GRIK1: variants seen among roughly 807,000 people sequenced by gnomAD.
The protein encoded by GRIK1 is glutamate receptor ionotropic, kainate 1.
Under a neutral mutation model 105.7 loss-of-function variants are expected in GRIK1, and 69 were observed. The ratio of observed to expected loss-of-function variants is 0.65; its 90% CI spans 0.54 to 0.80. The LOEUF (loss-of-function observed/expected upper bound fraction) is 0.80. Ranked by LOEUF, GRIK1 falls within the 30% of genes least tolerant of loss-of-function variation. The pLI is 0.00. For missense variants in GRIK1, 1,109 were observed against 1,167.3 expected, an observed-to-expected ratio of 0.95 and a Z score of 0.73; for synonymous variants, 438 against 431.3, an observed-to-expected ratio of 1.02 and a Z score of -0.19.
chr21:29,654,412 T>TA, intron 5 of GRIK1, among the ~76,000 whole-genome samples: 2 of 152,324 alleles, frequency 1.3e-5, no homozygotes, highest in South Asian at 4.1e-4. Flanking sequence ...CCCAGCTATC[T>TA]ACTGGACACA....
chr21:29,566,391 C>T (rs947012673), intron 14 of GRIK1, among the ~76,000 whole-genome samples: 9 of 152,034 alleles, frequency 5.9e-5, no homozygotes, highest in Admixed American at 3.9e-4. Context: ...AGGATTTTTT[C>T]TTTTTAATCC....
intron 1 of GRIK1, among the ~76,000 whole-genome samples, chr21:29,853,782 T>A (rs2068378368): frequency 6.6e-6 from 1 of 152,194 alleles, no homozygotes; most frequent in Non-Finnish European, 1.5e-5. Context: ...AAACCCCTGC[T>A]TTCCTGAAGT....
intron 1 of GRIK1, among the ~76,000 whole-genome samples, chr21:29,799,470 A>ACTCCAGAG (rs1351352941): frequency 6.6e-6 from 1 of 151,822 alleles, no homozygotes; most frequent in Non-Finnish European, 1.5e-5. Context: ...GCTGTATCTC[A>ACTCCAGAG]CTCCAGAGCC....
chr21:29,924,334 C>CAAAA (rs1226055845), intron 1 of GRIK1, among the ~76,000 whole-genome samples: 1 of 79,914 alleles, frequency 1.3e-5, no homozygotes. Flanking sequence ...GAGACTGGCT[C>CAAAA]AAAAAAAAAA....
rs1051538441 is a variant in GRIK1, at chr21:29,844,291, G to T, written c.118+95092C>A. ...CTGCAGTTCTTAGACTGTTCAATCA[G>T]TGCTACCAAATATCTGACGTCAGCT... On this transcript the variant is annotated intron_variant, in intron 1 of 17. Transcript: ENST00000327783. Among the ~76,000 whole-genome samples, 11 of 152,094 alleles carry T rather than the reference G, an allele frequency of 7.2e-5. No individual in the cohort carries two copies. In the South Asian group the frequency reaches 2.3e-3, roughly 32 times the overall value.
At chr21:29,861,658 T>C (rs1191105599) in intron 1 of GRIK1, 2 of 456,774 alleles carry the variant, frequency 4.4e-6, no homozygotes, top group African/African-American at 2.0e-5. Flanking sequence ...TTGCTGAGAA[T>C]CTTTCTAATG....
intron 1 of GRIK1, among the ~76,000 whole-genome samples, chr21:29,805,496 T>G (rs1198307644): frequency 6.6e-6 from 1 of 152,156 alleles, no homozygotes; most frequent in Non-Finnish European, 1.5e-5. Flanking sequence ...TGCAGTGTAA[T>G]TTACCTGCCT....
chr21:29,769,402 C>A (rs538943690), intron 1 of GRIK1, among the ~76,000 whole-genome samples: 2 of 152,166 alleles, frequency 1.3e-5, no homozygotes, highest in East Asian at 3.9e-4. Context: ...CATGAGAAAC[C>A]GGTTTCCTGG....
chr21:29,767,753 A>C lies in GRIK1; in HGVS notation c.119-73690T>G, dbSNP rs1158656818. Reference sequence around the variant, plus strand: ...ACTTGCCTTTGAGTCAGAAGTCCCTACTCCTCTTCTCTTTCATTTTGGTTC... The same window carrying C: ...ACTTGCCTTTGAGTCAGAAGTCCCTCCTCCTCTTCTCTTTCATTTTGGTTC... On this transcript the variant is annotated intron_variant, in intron 1 of 17. Transcript: ENST00000327783. Among the ~76,000 whole-genome samples, 4 of 151,138 alleles carry C rather than the reference A, an allele frequency of 2.6e-5. No individual in the cohort carries two copies. The East Asian group carries it at 7.8e-4, about 29-fold the overall frequency.
intron 1 of GRIK1, among the ~76,000 whole-genome samples, chr21:29,814,152 T>A (rs1164214794): frequency 6.6e-6 from 1 of 150,462 alleles, no homozygotes; most frequent in Middle Eastern, 3.5e-3. Flanking sequence ...CATTTCACCA[T>A]GTTGGCCAGG....
intron 7 of GRIK1, among the ~76,000 whole-genome samples, chr21:29,626,855 T>G (rs1388044811): frequency 6.6e-6 from 1 of 152,216 alleles, no homozygotes; most frequent in African/African-American, 2.4e-5. Flanking sequence ...TTGCCCTGGA[T>G]GCCTGAAGAA....
chr21:29,808,489 A>T (rs1485332516), intron 1 of GRIK1, among the ~76,000 whole-genome samples: 1 of 152,146 alleles, frequency 6.6e-6, no homozygotes, highest in East Asian at 1.9e-4. Flanking sequence ...TGCCAATCTG[A>T]TATGCTATAT....
At chr21:29,876,490 A>G (rs957326489) in intron 1 of GRIK1, among the ~76,000 whole-genome samples, 1 of 151,972 alleles carries the variant, frequency 6.6e-6, no homozygotes, top group African/African-American at 2.4e-5. Flanking sequence ...ACTGGTGTAC[A>G]TTTTTCATCA....
At chr21:29,861,153 CTA>C (rs2068623737) in intron 1 of GRIK1, among the ~76,000 whole-genome samples, 1 of 151,886 alleles carries the variant, frequency 6.6e-6, no homozygotes, top group African/African-American at 2.4e-5. Flanking sequence ...TCCCGGTTGT[CTA>C]TTTCTTTTAT....
chr21:29,939,001 T>C (rs994733450), intron 1 of GRIK1, among the ~76,000 whole-genome samples: 1 of 152,156 alleles, frequency 6.6e-6, no homozygotes, highest in Non-Finnish European at 1.5e-5. Context: ...ACTGCGGATC[T>C]GGACTGCCAG....
intron 3 of GRIK1, among the ~76,000 whole-genome samples, chr21:29,675,690 A>G (rs1168062236): frequency 1.3e-5 from 2 of 152,216 alleles, no homozygotes; most frequent in East Asian, 3.8e-4. Flanking sequence ...CCTGTAGGAT[A>G]ATTTTGTCCT....
chr21:29,782,263 T>C (rs1434865358), intron 1 of GRIK1, among the ~76,000 whole-genome samples: 4 of 151,466 alleles, frequency 2.6e-5, no homozygotes, highest in Non-Finnish European at 4.4e-5. Flanking sequence ...ATTTTTTGTA[T>C]TTTTAGTAGA....
chr21:29,625,529 T>C (rs114053483), intron 7 of GRIK1, among the ~76,000 whole-genome samples: 310 of 152,268 alleles, frequency 2.0e-3, no homozygotes, highest in African/African-American at 7.1e-3. Context: ...CTCCAATTCA[T>C]CCTCCAAAGC....
intron 1 of GRIK1, among the ~76,000 whole-genome samples, chr21:29,861,223 G>A (rs545759750): frequency 6.6e-6 from 1 of 151,984 alleles, no homozygotes; most frequent in Admixed American, 6.6e-5. Flanking sequence ...AAATGAGAAA[G>A]AATGTCTTTC....
Sources: allele counts gnomAD v4.1 joint callset (sites outside exome capture counted in the v4.1 genomes callset), GRCh38; gene constraint gnomAD v4.1.1; transcripts MANE v1.5; gene names NCBI Gene and HGNC (gene_info 2026-07-23, HGNC 2026-07-21).